The following OTOGL variants were observed in gnomAD, a reference collection of about 807,000 sequenced individuals.
OTOGL encodes the protein otogelin-like protein.
In OTOGL, 285 loss-of-function variants were observed where a neutral mutation model predicts 318.5. That is an observed-to-expected ratio of 0.89 (90% CI 0.81 to 0.99). The LOEUF is 0.99. Ranked by LOEUF, OTOGL falls within the 50% of genes least tolerant of loss-of-function variation. The probability of loss-of-function intolerance (pLI) is 0.00; values close to 1 mark genes in which losing one functional copy is unlikely to be tolerated. For synonymous variants in OTOGL, 987 were observed against 936.5 expected (o/e 1.05, Z -0.99); for missense variants, 2,899 against 2,845.6 (o/e 1.02, Z -0.43).
At position 80,318,730 on chromosome 12, in the gene OTOGL, A is replaced by G. The variant is rs1047556528; in HGVS notation, c.3802+17A>G. The G allele has an allele frequency of 9.9e-6, 12 of 1,210,108 alleles. No individual in the cohort carries two copies. The highest frequency in any genetic ancestry group is 1.6e-5 in the African/African-American group (1 of 63,360). The allele number at this position is 1,210,108 out of a possible 1,614,324, so 75.0% of individuals were successfully genotyped here. A position where few individuals can be genotyped will look rare whatever the true frequency, so the allele number is the denominator to read the frequency against. ...AGGTATCATGTAAGTATAATTGAAAATAAGAGTTTAGCTTTCCAATTACAT... is the reference window on the plus strand; with the variant it reads ...AGGTATCATGTAAGTATAATTGAAAGTAAGAGTTTAGCTTTCCAATTACAT... On this transcript the variant is annotated intron_variant, in intron 33 of 58. Coordinates refer to ENST00000547103, the MANE Select transcript of OTOGL (RefSeq NM_001378609.3).
intron 40 of OTOGL, 50 bp downstream of exon 40, chr12:80,336,605 A>C: frequency 6.5e-7 from 1 of 1,547,996 alleles, no homozygotes; most frequent in Non-Finnish European, 8.8e-7. Flanking sequence ...TCTATAGCTA[A>C]TGTCTATTGC....
At chr12:80,293,305 G>T (rs1885170164) in intron 26 of OTOGL, among the ~76,000 whole-genome samples, 1 of 152,034 alleles carries the variant, frequency 6.6e-6, no homozygotes, top group Non-Finnish European at 1.5e-5. Context: ...CCTTTGCATT[G>T]TGCATTATTA....
intron 29 of OTOGL, among the ~76,000 whole-genome samples, chr12:80,307,481 A>T: frequency 6.9e-6 from 1 of 145,542 alleles, no homozygotes; most frequent in African/African-American, 2.6e-5. Flanking sequence ...CTGGCCGGGC[A>T]GAGGGGCTCC....
At chr12:80,117,121 C>G (rs1465062960) in intron 1 of OTOGL, among the ~76,000 whole-genome samples, 1 of 152,098 alleles carries the variant, frequency 6.6e-6, no homozygotes, top group African/African-American at 2.4e-5. Context: ...TGGATAATGG[C>G]TCAAGAGACA....
chr12:80,136,545 TTC>T (rs1871583170), intron 1 of OTOGL, among the ~76,000 whole-genome samples: 1 of 152,196 alleles, frequency 6.6e-6, no homozygotes, highest in Non-Finnish European at 1.5e-5. Flanking sequence ...CTGTTTCTAG[TTC>T]TCTCTGTTCT....
intron 11 of OTOGL, among the ~76,000 whole-genome samples, chr12:80,250,544 G>A (rs999589102): frequency 6.6e-6 from 1 of 152,106 alleles, no homozygotes; most frequent in African/African-American, 2.4e-5. Flanking sequence ...AGCAATTTTA[G>A]CCTAAACTGT....
At chr12:80,329,381 G>A (rs1478351494) in intron 37 of OTOGL, among the ~76,000 whole-genome samples, 1 of 152,162 alleles carries the variant, frequency 6.6e-6, no homozygotes, top group East Asian at 1.9e-4. Flanking sequence ...ACTGGGCTAC[G>A]TGCCTCATTT....
At chr12:80,103,115 A>T in intron 1 of OTOGL, 1 of 1,103,076 alleles carries the variant, frequency 9.1e-7, no homozygotes, top group Non-Finnish European at 1.4e-6. Flanking sequence ...TCTTCCTGTA[A>T]ACCTGGACCA....
At chr12:80,146,871 G>T (rs200062525) in intron 1 of OTOGL, among the ~76,000 whole-genome samples, 60 of 148,916 alleles carry the variant, frequency 4.0e-4, no homozygotes, top group South Asian at 4.3e-4. Flanking sequence ...ATTCTCTGAT[G>T]GTAGTTTGTA....
chr12:80,229,437 C>T (rs1279138014), intron 8 of OTOGL, 59 bp downstream of exon 8: 1 of 1,521,160 alleles, frequency 6.6e-7, no homozygotes, highest in African/African-American at 1.4e-5. Flanking sequence ...AATTTCCAAA[C>T]ATCACATGCT....
At chr12:80,108,926 A>ATG (rs1565863310) in intron 1 of OTOGL, among the ~76,000 whole-genome samples, 21 of 113,364 alleles carry the variant, frequency 1.9e-4, no homozygotes, top group African/African-American at 7.3e-4. Flanking sequence ...GTGTATATAT[A>ATG]TATGTGTGTG....
chr12:80,259,231 G>A (rs1175108138), intron 18 of OTOGL, among the ~76,000 whole-genome samples: 1 of 151,226 alleles, frequency 6.6e-6, no homozygotes, highest in Non-Finnish European at 1.5e-5. Flanking sequence ...AAAATTAAGT[G>A]TTGGGCTTTG....
chr12:80,357,127 T>C (rs561602465), intron 49 of OTOGL, among the ~76,000 whole-genome samples: 10 of 152,162 alleles, frequency 6.6e-5, no homozygotes, highest in Non-Finnish European at 1.5e-4. Flanking sequence ...ACTACATACA[T>C]CAGTCCAAAT....
chr12:80,104,081 A>G (rs1565861617), intron 1 of OTOGL, among the ~76,000 whole-genome samples: 1 of 152,236 alleles, frequency 6.6e-6, no homozygotes, highest in Non-Finnish European at 1.5e-5. Context: ...CCTGAAGATG[A>G]TTAATGAAGC....
intron 35 of OTOGL, among the ~76,000 whole-genome samples, chr12:80,324,825 A>G (rs948082069): frequency 8.5e-5 from 13 of 152,222 alleles, no homozygotes; most frequent in South Asian, 4.1e-4. Flanking sequence ...TTTGGTAGCC[A>G]AATTGGTCAA....
At chr12:80,236,536 T>A (rs1246427657) in intron 9 of OTOGL, among the ~76,000 whole-genome samples, 1 of 152,170 alleles carries the variant, frequency 6.6e-6, no homozygotes, top group Non-Finnish European at 1.5e-5. Flanking sequence ...TTTAGTCACA[T>A]TAAAATTCGT....
intron 1 of OTOGL, among the ~76,000 whole-genome samples, chr12:80,101,509 T>C (rs1869136996): frequency 1.3e-5 from 2 of 152,194 alleles, no homozygotes; most frequent in Admixed American, 6.5e-5. Flanking sequence ...CTATCACAAC[T>C]GCATTATAAT....
intron 7 of OTOGL, among the ~76,000 whole-genome samples, chr12:80,223,602 G>T (rs1878560659): frequency 1.3e-5 from 2 of 151,756 alleles, no homozygotes; most frequent in African/African-American, 2.4e-5. Flanking sequence ...ATTATTTTTT[G>T]ATTTTTAAAT....
Position 80,379,138 on chromosome 12 carries a change from CAAG to C in OTOGL, c.*1096_*1098del, listed in dbSNP as rs1320901702. The C allele has an allele frequency of 6.6e-6, 1 of 152,258 alleles. No individual in the cohort carries two copies. The highest frequency in any genetic ancestry group is 1.5e-5 in the Non-Finnish European group (1 of 67,864). The allele number at this position is 152,258 out of a possible 1,614,324, so 9.4% of individuals were successfully genotyped here. The stretch of plus-strand genomic sequence containing the variant: ...AAATATGGTAGATTATTGACATTTG[CAAG>C]AAGAATGTATTGAGGTCTTTGGAAA... On this transcript the variant is annotated 3_prime_UTR_variant, in exon 59 of 59. Coordinates refer to ENST00000547103, the MANE Select transcript of OTOGL (RefSeq NM_001378609.3).
Sources: gnomAD v4.1 joint callset for allele counts (sites outside exome capture counted in the v4.1 genomes callset) on GRCh38, gnomAD v4.1.1 for gene constraint, MANE v1.5 for transcripts, NCBI Gene and HGNC (gene_info 2026-07-23, HGNC 2026-07-21) for gene names.